CDK19: variants seen among roughly 807,000 people sequenced by gnomAD.
CDK19 encodes cyclin dependent kinase 19.
Under a neutral mutation model 68.3 loss-of-function variants are expected in CDK19, and 20 were observed. That is an observed-to-expected ratio of 0.29 (90% CI 0.21 to 0.43). The LOEUF (loss-of-function observed/expected upper bound fraction) is 0.43, where lower values mean the gene tolerates loss of function less well. Among genes scored for constraint, CDK19 ranks in the 20% least tolerant of loss-of-function variants. The pLI is 1.00. For missense variants in CDK19, 339 were observed against 623.5 expected, an observed-to-expected ratio of 0.54 and a Z score of 4.86; for synonymous variants, 221 against 222.8, an observed-to-expected ratio of 0.99 and a Z score of 0.07.
At chr6:110,672,179 TC>T (rs1771069664) in intron 2 of CDK19, among the ~76,000 whole-genome samples, 1 of 152,176 alleles carries the variant, frequency 6.6e-6, no homozygotes, top group Non-Finnish European at 1.5e-5. Context: ...AATGACTGTC[TC>T]CTTCTTTCTG....
intron 1 of CDK19, among the ~76,000 whole-genome samples, chr6:110,747,278 G>A (rs920688697): frequency 6.6e-6 from 1 of 152,086 alleles, no homozygotes; most frequent in Non-Finnish European, 1.5e-5. Flanking sequence ...AATCCCTTTT[G>A]AAGATTTTCA....
At chr6:110,732,564 A>T (rs1776843498) in intron 2 of CDK19, among the ~76,000 whole-genome samples, 1 of 152,064 alleles carries the variant, frequency 6.6e-6, no homozygotes, top group Admixed American at 6.6e-5. Context: ...CTAACATTTT[A>T]ACCTTTCTAC....
intron 4 of CDK19, among the ~76,000 whole-genome samples, chr6:110,655,668 AT>A (rs1781268623): frequency 6.6e-6 from 1 of 151,876 alleles, no homozygotes; most frequent in Non-Finnish European, 1.5e-5. Flanking sequence ...TACATCCTAC[AT>A]TTTTGTCAAC....
intron 1 of CDK19, among the ~76,000 whole-genome samples, chr6:110,782,362 C>T (rs908858748): frequency 4.6e-5 from 7 of 152,172 alleles, no homozygotes; most frequent in Non-Finnish European, 7.4e-5. Flanking sequence ...TCACTGAATC[C>T]TAGCTCCTAA....
intron 2 of CDK19, among the ~76,000 whole-genome samples, chr6:110,741,538 A>C (rs1235668156): frequency 2.6e-5 from 4 of 151,758 alleles, no homozygotes; most frequent in Admixed American, 2.0e-4. Context: ...GAAAAACATT[A>C]ATCTACACAT....
At chr6:110,673,606 TG>T (rs962864760) in intron 2 of CDK19, among the ~76,000 whole-genome samples, 5 of 151,902 alleles carry the variant, frequency 3.3e-5, no homozygotes, top group Non-Finnish European at 7.4e-5. Context: ...GAACAGCTGG[TG>T]GGTGAGGCAA....
chr6:110,722,940 C>T (rs940506528), intron 2 of CDK19, among the ~76,000 whole-genome samples: 1 of 151,972 alleles, frequency 6.6e-6, no homozygotes, highest in Admixed American at 6.6e-5. Context: ...ACAACAGTGG[C>T]AACTATTTAA....
intron 4 of CDK19, among the ~76,000 whole-genome samples, chr6:110,657,935 T>C (rs1052054428): frequency 1.3e-5 from 2 of 152,156 alleles, no homozygotes; most frequent in African/African-American, 2.4e-5. Flanking sequence ...AACTGACAGA[T>C]AGATGTGCAG....
In CDK19 at chr6:110,815,172, G is replaced by A; in HGVS notation, c.-36C>T. The A allele has an allele frequency of 1.9e-6, 3 of 1,553,396 alleles. No individual in the cohort carries two copies. The highest frequency in any genetic ancestry group is 1.2e-5 in the South Asian group (1 of 85,174). On this transcript the variant is annotated 5_prime_UTR_variant, in exon 1 of 13. Transcript: ENST00000368911. Reference sequence around the variant, plus strand: ...CCCCATAGAGGCACGGGACGCGGGGGCCGCCGCCGCTCAGTCCCTCCTCCT... The same window carrying A: ...CCCCATAGAGGCACGGGACGCGGGGACCGCCGCCGCTCAGTCCCTCCTCCT...
At chr6:110,779,970 A>G (rs1224708797) in intron 1 of CDK19, among the ~76,000 whole-genome samples, 6 of 152,140 alleles carry the variant, frequency 3.9e-5, no homozygotes, top group South Asian at 2.1e-4. Flanking sequence ...CTGTAATCCC[A>G]GCACTTCAGG....
intron 1 of CDK19, among the ~76,000 whole-genome samples, chr6:110,757,136 GA>G (rs1252131704): frequency 6.6e-6 from 1 of 152,144 alleles, no homozygotes; most frequent in African/African-American, 2.4e-5. Context: ...CGGGCAGAGA[GA>G]AAAGGACCCA....
chr6:110,679,242 C>G (rs769978243), intron 2 of CDK19, among the ~76,000 whole-genome samples: 2 of 151,684 alleles, frequency 1.3e-5, no homozygotes, highest in Non-Finnish European at 2.9e-5. Context: ...CTTGAGCCCA[C>G]GAGTTCAAGG....
At chr6:110,724,151 C>T (rs1293114852) in intron 2 of CDK19, among the ~76,000 whole-genome samples, 1 of 151,956 alleles carries the variant, frequency 6.6e-6, no homozygotes, top group East Asian at 1.9e-4. Context: ...GGCAGGAGTT[C>T]GAGACCAGCC....
Position 110,815,310 on chromosome 6 carries a change from G to GGCCACAGCA in CDK19, c.-183_-175dup, listed in dbSNP as rs1783553029. 10 of 620,864 alleles carry GGCCACAGCA rather than the reference G, an allele frequency of 1.6e-5. No homozygotes were observed. The highest frequency in any genetic ancestry group is 2.2e-5 in the Non-Finnish European group (9 of 418,602). The allele number at this position is 620,864 out of a possible 1,614,324, so 38.5% of individuals were successfully genotyped here. A position where few individuals can be genotyped will look rare whatever the true frequency, so the allele number is the denominator to read the frequency against. ...CGCCTTCAGCAAGGGACTCCTCGGCGGCCACAGCAGCCACCTCCTCCACCT... is the reference window on the plus strand; with the variant it reads ...CGCCTTCAGCAAGGGACTCCTCGGCGGCCACAGCAGCCACAGCAGCCACCTCCTCCACCT... On this transcript the variant is annotated 5_prime_UTR_variant, in exon 1 of 13. Coordinates refer to ENST00000368911, the MANE Select transcript of CDK19 (RefSeq NM_015076.5).
intron 4 of CDK19, among the ~76,000 whole-genome samples, chr6:110,657,498 G>A (rs1170412754): frequency 3.3e-5 from 5 of 152,040 alleles, no homozygotes; most frequent in Non-Finnish European, 7.4e-5. Flanking sequence ...TAATTAAAAT[G>A]GGTATACCTT....
At chr6:110,719,972 G>GCTCCCCCCCCCCCCCCC (rs1554211507) in intron 2 of CDK19, among the ~76,000 whole-genome samples, 88 of 45,522 alleles carry the variant, frequency 1.9e-3, no homozygotes, top group Non-Finnish European at 2.4e-3. Flanking sequence ...CTTGTGATCC[G>GCTCCCCCCCCCCCCCCC]CCCCCCCCCC....
In CDK19 at chr6:110,667,540, T is replaced by C. The variant is rs1426767970; in HGVS notation, c.350A>G (p.Asn117Ser). Residue 117 changes from asparagine to serine, a missense_variant, in exon 4 of 13, where the codon AAT becomes AGT. Asn to Ser is a conservative substitution (Grantham distance 46, BLOSUM62 1). Coordinates refer to ENST00000368911, the MANE Select transcript of CDK19 (RefSeq NM_015076.5). ...TCTTGGCAACTGCATGGGCTTTTTATTTGCTTTTGATGCACGGTGAAACTT... is the reference window on the plus strand; with the variant it reads ...TCTTGGCAACTGCATGGGCTTTTTACTTGCTTTTGATGCACGGTGAAACTT... ...IIKFHRASKA[N>S]KKPMQLPRSM... The C allele has an allele frequency of 1.3e-6, 2 of 1,578,462 alleles. No homozygotes were observed. The highest frequency in any genetic ancestry group is 1.7e-6 in the Non-Finnish European group (2 of 1,158,000).
intron 1 of CDK19, among the ~76,000 whole-genome samples, chr6:110,791,282 G>T (rs1285709896): frequency 1.3e-5 from 2 of 151,798 alleles, no homozygotes; most frequent in African/African-American, 4.8e-5. Context: ...AAAAGTAAAA[G>T]AAAAGAAAAA....
intron 2 of CDK19, among the ~76,000 whole-genome samples, chr6:110,673,696 G>T (rs1385024187): frequency 2.0e-5 from 3 of 151,924 alleles, no homozygotes; most frequent in Non-Finnish European, 4.4e-5. Context: ...ACTTCCTTCA[G>T]GTGAGAAGTG....
Sources: allele counts gnomAD v4.1 joint callset (sites outside exome capture counted in the v4.1 genomes callset), GRCh38; gene constraint gnomAD v4.1.1; transcripts MANE v1.5; gene names NCBI Gene and HGNC (gene_info 2026-07-23, HGNC 2026-07-21).